DLGAP2: variants seen among roughly 807,000 people sequenced by gnomAD.
DLGAP2 encodes DLG associated protein 2, also known as disks large-associated protein 2.
DLGAP2 carries 26 observed loss-of-function variants against 100.3 expected under a neutral mutation model. The ratio of observed to expected loss-of-function variants is 0.26; its 90% CI spans 0.19 to 0.36. DLGAP2 has a LOEUF of 0.36. Among genes scored for constraint, DLGAP2 ranks in the 10% least tolerant of loss-of-function variants. DLGAP2 has a pLI of 1.00. For synonymous variants in DLGAP2, 886 were observed against 630.1 expected, an observed-to-expected ratio of 1.41 and a Z score of -6.08; for missense variants, 1,858 against 1,453.2, an observed-to-expected ratio of 1.28 and a Z score of -4.53.
chr8:1,315,011 T>G (rs1467831237), intron 3 of DLGAP2, among the ~76,000 whole-genome samples: 1 of 152,232 alleles, frequency 6.6e-6, no homozygotes. Flanking sequence ...TTTTAGTTAT[T>G]AATAGGACTT....
chr8:764,467 C>A (rs1307923560), intron 1 of DLGAP2, among the ~76,000 whole-genome samples: 1 of 152,136 alleles, frequency 6.6e-6, no homozygotes, highest in Non-Finnish European at 1.5e-5. Flanking sequence ...CTATCATTTT[C>A]TTTTAAAACC....
intron 2 of DLGAP2, among the ~76,000 whole-genome samples, chr8:1,055,450 T>C (rs1248285084): frequency 6.6e-6 from 1 of 152,240 alleles, no homozygotes; most frequent in South Asian, 2.1e-4. Flanking sequence ...ATGAATGTGT[T>C]AGGACTTTAT....
intron 6 of DLGAP2, among the ~76,000 whole-genome samples, chr8:1,566,808 A>G (rs1802422253): frequency 6.6e-6 from 1 of 152,264 alleles, no homozygotes; most frequent in Non-Finnish European, 1.5e-5. Context: ...TTGGCTTACA[A>G]GATGAAAAAG....
chr8:1,501,285 A>G, intron 3 of DLGAP2, 81 bp from the exon 4 acceptor site: 9 of 1,394,148 alleles, frequency 6.5e-6, no homozygotes, highest in Non-Finnish European at 7.9e-6. Flanking sequence ...TTGAGTGTGG[A>G]GGGTTTTGAA....
chr8:788,231 C>G (rs1255889769), intron 1 of DLGAP2, among the ~76,000 whole-genome samples: 1 of 152,234 alleles, frequency 6.6e-6, no homozygotes, highest in Non-Finnish European at 1.5e-5. Flanking sequence ...ACACAGCGTC[C>G]TGTTGTTATT....
At chr8:1,665,602 A>G (rs1327210434) in intron 8 of DLGAP2, among the ~76,000 whole-genome samples, 1 of 152,196 alleles carries the variant, frequency 6.6e-6, no homozygotes, top group African/African-American at 2.4e-5. Context: ...TTGATTTTTT[A>G]CTACCCCTAT....
rs140502709 is a variant in DLGAP2, at chr8:1,550,347, T to C, written c.1230+664T>C. The stretch of plus-strand genomic sequence containing the variant: ...GGACGTTATCTACGGGCAGCTCTCA[T>C]GCGTGAGTCTGGCCTGCTCTGGGAG... On this transcript the variant is annotated intron_variant, in intron 5 of 14. Transcript: ENST00000637795. Among the ~76,000 whole-genome samples, 97 of 152,316 alleles carry C rather than the reference T, an allele frequency of 6.4e-4. 1 individual carries two copies. The Middle Eastern group carries it at 0.01, about 16-fold the overall frequency.
At chr8:1,302,659 G>C (rs777800152) in intron 3 of DLGAP2, 1 of 152,268 alleles carries the variant, frequency 6.6e-6, no homozygotes, top group African/African-American at 2.4e-5. Flanking sequence ...AGCATTTTAC[G>C]TGAGTCCTCT....
At chr8:1,448,519 T>C (rs1330288403) in intron 3 of DLGAP2, among the ~76,000 whole-genome samples, 3 of 152,172 alleles carry the variant, frequency 2.0e-5, no homozygotes, top group Non-Finnish European at 4.4e-5. Context: ...ATGTGGTCAA[T>C]TTTGGAATAG....
At chr8:1,103,038 A>G (rs1035049242) in intron 2 of DLGAP2, among the ~76,000 whole-genome samples, 10 of 150,620 alleles carry the variant, frequency 6.6e-5, no homozygotes, top group Non-Finnish European at 8.9e-5. Flanking sequence ...GTGGTTCCCT[A>G]TGAGTCTCTG....
rs75255136 is a variant in DLGAP2, at chr8:1,357,150, C to G, written c.106+98267C>G. On this transcript the variant is annotated intron_variant, in intron 3 of 14. Coordinates refer to ENST00000637795, the MANE Select transcript of DLGAP2 (RefSeq NM_001346810.2). The stretch of plus-strand genomic sequence containing the variant: ...TACTGCAGAAGACGTGTGCTCTTCA[C>G]CAGTCTGTGGACCAGGAAACGAGCC... Among the ~76,000 whole-genome samples, 603 of 152,248 alleles carry G rather than the reference C, an allele frequency of 4.0e-3. 8 individuals are homozygous for G. The highest frequency in any genetic ancestry group is 0.014 in the African/African-American group (564 of 41,550).
intron 6 of DLGAP2, among the ~76,000 whole-genome samples, chr8:1,599,890 A>G (rs1796571464): frequency 1.3e-5 from 2 of 152,148 alleles, no homozygotes; most frequent in South Asian, 4.1e-4. Flanking sequence ...TAATATTGTT[A>G]TATATGAATT....
chr8:1,325,690 C>T (rs933645370), intron 3 of DLGAP2, among the ~76,000 whole-genome samples: 12 of 152,202 alleles, frequency 7.9e-5, no homozygotes, highest in South Asian at 4.1e-4. Context: ...ATTCCTCTCG[C>T]GTGTGCTGCT....
intron 3 of DLGAP2, among the ~76,000 whole-genome samples, chr8:1,414,362 G>T (rs1278119091): frequency 6.6e-6 from 1 of 152,212 alleles, no homozygotes; most frequent in Non-Finnish European, 1.5e-5. Flanking sequence ...AGGCAGTGAG[G>T]ACCTGCCAAG....
At chr8:1,065,062 G>A (rs150299884) in intron 2 of DLGAP2, among the ~76,000 whole-genome samples, 77 of 152,356 alleles carry the variant, frequency 5.1e-4, no homozygotes, top group African/African-American at 1.7e-3. Context: ...CCACCAAACA[G>A]CGTGCCCAGG....
chr8:1,425,287 C>T (rs1054436345), intron 3 of DLGAP2, among the ~76,000 whole-genome samples: 4 of 152,022 alleles, frequency 2.6e-5, no homozygotes, highest in African/African-American at 9.7e-5. Flanking sequence ...TTAGCCATGC[C>T]CATGGTAAAT....
chr8:1,058,758 A>G (rs1422709063), intron 2 of DLGAP2, among the ~76,000 whole-genome samples: 2 of 152,220 alleles, frequency 1.3e-5, no homozygotes, highest in African/African-American at 4.8e-5. Context: ...TACAAAGATC[A>G]AGTGATCTTA....
chr8:1,679,831 T>C (rs1798901277), intron 12 of DLGAP2, among the ~76,000 whole-genome samples: 1 of 152,060 alleles, frequency 6.6e-6, no homozygotes, highest in Middle Eastern at 3.4e-3. Flanking sequence ...AAAATTCAAA[T>C]GAGCCAGGCG....
chr8:836,349 C>T (rs887148039), intron 1 of DLGAP2, among the ~76,000 whole-genome samples: 2 of 152,198 alleles, frequency 1.3e-5, no homozygotes, highest in Non-Finnish European at 2.9e-5. Flanking sequence ...TGGGCCCTGC[C>T]TTGCGGGCGT....
Sources: allele counts gnomAD v4.1 joint callset (sites outside exome capture counted in the v4.1 genomes callset), GRCh38; gene constraint gnomAD v4.1.1; transcripts MANE v1.5; gene names NCBI Gene and HGNC (gene_info 2026-07-23, HGNC 2026-07-21).